Variants in CEPT1 observed in about 807,000 individuals in gnomAD.
The protein encoded by CEPT1 is choline/ethanolaminephosphotransferase 1.
Under a neutral mutation model 42.6 loss-of-function variants are expected in CEPT1, and 7 were observed. The ratio of observed to expected loss-of-function variants is 0.16; its 90% confidence interval spans 0.09 to 0.31. CEPT1 has a LOEUF of 0.31. CEPT1 is among the 10% of genes least tolerant of loss of function. The pLI is 1.00. For synonymous variants in CEPT1, 171 were observed against 171.9 expected (o/e 0.99, Z 0.04); for missense variants, 306 against 502.1 (o/e 0.61, Z 3.73).
intron 4 of CEPT1, among the ~76,000 whole-genome samples, chr1:111,169,518 A>G (rs995914663): frequency 1.3e-5 from 2 of 152,178 alleles, no homozygotes; most frequent in African/African-American, 4.8e-5. Context: ...TTTCTATTAA[A>G]ATGTTTCTAA....
At chr1:111,173,838 T>C (rs1656540958) in intron 4 of CEPT1, among the ~76,000 whole-genome samples, 1 of 152,188 alleles carries the variant, frequency 6.6e-6, no homozygotes, top group Non-Finnish European at 1.5e-5. Flanking sequence ...TCACTTACTA[T>C]ATCTTTGCTA....
chr1:111,144,256 A>G (rs898488283), intron 1 of CEPT1, among the ~76,000 whole-genome samples: 102 of 152,306 alleles, frequency 6.7e-4, no homozygotes, highest in Admixed American at 2.4e-3. Flanking sequence ...AAGGAAGAGT[A>G]GAGATGAACC....
intron 1 of CEPT1, among the ~76,000 whole-genome samples, chr1:111,145,849 G>A (rs1654931954): frequency 6.6e-6 from 1 of 152,166 alleles, no homozygotes; most frequent in African/African-American, 2.4e-5. Context: ...CAGACAGGGG[G>A]GAACCTGCCA....
chr1:111,158,961 T>A (rs1035634842), intron 2 of CEPT1, among the ~76,000 whole-genome samples: 1 of 128,192 alleles, frequency 7.8e-6, no homozygotes, highest in Non-Finnish European at 1.6e-5. Context: ...TCGCCCAGGC[T>A]GGAGTGCAGT....
chr1:111,182,046 G>A, intron 5 of CEPT1, 141 bp from the exon 6 acceptor site: 1 of 551,218 alleles, frequency 1.8e-6, no homozygotes, highest in Non-Finnish European at 3.1e-6. Flanking sequence ...TAATGAAGAG[G>A]AAAAGGACAC....
At chr1:111,180,539 G>A (rs1182560592) in intron 5 of CEPT1, 1 of 152,204 alleles carries the variant, frequency 6.6e-6, no homozygotes, top group Non-Finnish European at 1.5e-5. Flanking sequence ...AATCCATAAA[G>A]TTTAGGACTT....
rs1433039579 is a variant in CEPT1 at position 111,184,507 on chromosome 1, A to T, written c.*197A>T. 1 of 445,712 alleles carries T rather than the reference A, an allele frequency of 2.2e-6. No homozygotes were observed. Among genetic ancestry groups the T allele is most frequent in the Non-Finnish European group, 4.0e-6 (1 of 252,400 alleles). The allele number at this position is 445,712 out of a possible 1,614,324, so 27.6% of individuals were successfully genotyped here. A position where few individuals can be genotyped will look rare whatever the true frequency, so the allele number is the denominator to read the frequency against. The stretch of plus-strand genomic sequence containing the variant: ...TCAAGTCCCATCTTGTAAATTGTAT[A>T]TGTTGTCATGCAGGGTTTGGGCCAA... On this transcript the variant is annotated 3_prime_UTR_variant, in exon 9 of 9. Transcript: ENST00000357172.
At chr1:111,146,969 G>T (rs1009927177) in intron 1 of CEPT1, among the ~76,000 whole-genome samples, 6 of 151,682 alleles carry the variant, frequency 4.0e-5, no homozygotes, top group Non-Finnish European at 8.8e-5. Context: ...CCCTGTGTTT[G>T]TTTGAATACT....
At chr1:111,163,217 G>A (rs1441243243) in intron 4 of CEPT1, among the ~76,000 whole-genome samples, 3 of 152,090 alleles carry the variant, frequency 2.0e-5, no homozygotes, top group Admixed American at 6.5e-5. Context: ...TTGAATTTTA[G>A]TATTACAAGG....
At chr1:111,163,798 C>T (rs1655995208) in intron 4 of CEPT1, among the ~76,000 whole-genome samples, 1 of 151,992 alleles carries the variant, frequency 6.6e-6, no homozygotes, top group African/African-American at 2.4e-5. Context: ...ATTTATTTTG[C>T]TTAATAAGGA....
rs202065837 is a variant in CEPT1 at position 111,161,137 on chromosome 1, G to C, written c.488-18G>C. ...CTATTCATATTATTTGGTTTTCATC[G>C]TGATCTTTCTTCTGCAGTTTTTGTG... On this transcript the variant is annotated intron_variant, in intron 3 of 8. Coordinates refer to ENST00000357172, the MANE Select transcript of CEPT1 (RefSeq NM_006090.5). The C allele has an allele frequency of 1.2e-6, 2 of 1,613,524 alleles. No homozygotes were observed. Among genetic ancestry groups the C allele is most frequent in the South Asian group, 2.2e-5 (2 of 91,052 alleles).
chr1:111,173,795 A>C (rs2101373342), intron 4 of CEPT1, among the ~76,000 whole-genome samples: 1 of 152,234 alleles, frequency 6.6e-6, no homozygotes, highest in South Asian at 2.1e-4. Context: ...TTTTTACACA[A>C]AAAATAGCCT....
rs572835034 is a variant in CEPT1 at position 111,151,042 on chromosome 1, G to T, written c.339+2989G>T. On this transcript the variant is annotated intron_variant, in intron 2 of 8. Transcript: ENST00000357172. Reference sequence around the variant, plus strand: ...GAGATTTATTCTGAGCCAAATATCAGTGACTATGGCCTGTGACACAGCCCT... The same window carrying T: ...GAGATTTATTCTGAGCCAAATATCATTGACTATGGCCTGTGACACAGCCCT... Among the ~76,000 whole-genome samples the T allele has an allele frequency of 8.3e-4, 126 of 152,080 alleles. 1 individual carries two copies. The highest frequency in any genetic ancestry group is 2.2e-3 in the African/African-American group (90 of 41,462).
chr1:111,184,145 T>C, intron 8 of CEPT1, 46 bp from the exon 9 acceptor site: 1 of 1,605,114 alleles, frequency 6.2e-7, no homozygotes, highest in Non-Finnish European at 8.5e-7. Flanking sequence ...TCAGGAAGCT[T>C]AGGGAGAGCC....
At chr1:111,146,690 G>C (rs1001305393) in intron 1 of CEPT1, among the ~76,000 whole-genome samples, 2 of 151,718 alleles carry the variant, frequency 1.3e-5, no homozygotes, top group African/African-American at 2.4e-5. Context: ...CATGCTACTT[G>C]ATTACTTATA....
intron 2 of CEPT1, among the ~76,000 whole-genome samples, chr1:111,158,302 A>G (rs1209945673): frequency 6.6e-6 from 1 of 152,186 alleles, no homozygotes; most frequent in Non-Finnish European, 1.5e-5. Flanking sequence ...GCAGTAAGCC[A>G]AGACTGCACC....
intron 2 of CEPT1, among the ~76,000 whole-genome samples, chr1:111,159,114 C>T (rs971606918): frequency 5.3e-5 from 8 of 149,816 alleles, no homozygotes; most frequent in African/African-American, 7.5e-5. Flanking sequence ...GGGGTTTCAC[C>T]GTTTTTTAGC....
intron 4 of CEPT1, 136 bp downstream of exon 4, chr1:111,161,432 A>G (rs957162561): frequency 1.0e-5 from 8 of 800,276 alleles, no homozygotes; most frequent in African/African-American, 7.1e-5. Flanking sequence ...CTTCATTATT[A>G]TAGCTATTTC....
At chr1:111,157,707 G>T (rs1397813155) in intron 2 of CEPT1, among the ~76,000 whole-genome samples, 1 of 152,198 alleles carries the variant, frequency 6.6e-6, no homozygotes, top group Non-Finnish European at 1.5e-5. Flanking sequence ...CTGGCTTAGT[G>T]GAGGTATGTG....
Sources: gnomAD v4.1 joint callset for allele counts (sites outside exome capture counted in the v4.1 genomes callset) on GRCh38, gnomAD v4.1.1 for gene constraint, MANE v1.5 for transcripts, NCBI Gene and HGNC (gene_info 2026-07-23, HGNC 2026-07-21) for gene names.